KCNIP3: variants seen among roughly 807,000 people sequenced by gnomAD.
KCNIP3 encodes calsenilin.
In KCNIP3, 28 loss-of-function variants were observed where a neutral mutation model predicts 35.0. The observed-to-expected ratio is 0.80, with a 90% confidence interval of 0.59 to 1.10. The LOEUF (loss-of-function observed/expected upper bound fraction) is 1.10, where lower values mean the gene tolerates loss of function less well. KCNIP3 is among the 50% of genes least tolerant of loss of function. The pLI is 0.00. For missense variants in KCNIP3, 295 were observed against 338.4 expected, an observed-to-expected ratio of 0.87 and a Z score of 1.01; for synonymous variants, 134 against 133.8, an observed-to-expected ratio of 1.00 and a Z score of -0.01.
chr2:95,343,610 A>C (rs1679272015), intron 2 of KCNIP3, among the ~76,000 whole-genome samples: 1 of 152,176 alleles, frequency 6.6e-6, no homozygotes, highest in Non-Finnish European at 1.5e-5. Flanking sequence ...AGCATGGGAC[A>C]TCCAGGGAAT....
intron 2 of KCNIP3, among the ~76,000 whole-genome samples, chr2:95,318,540 C>T (rs1412211899): frequency 2.6e-5 from 4 of 152,194 alleles, no homozygotes; most frequent in Non-Finnish European, 5.9e-5. Context: ...TACTTGTGGG[C>T]CCAGGCCTGT....
chr2:95,379,994 C>T (rs1043796928), intron 5 of KCNIP3, among the ~76,000 whole-genome samples: 1 of 152,148 alleles, frequency 6.6e-6, no homozygotes, highest in Non-Finnish European at 1.5e-5. Flanking sequence ...CCTGATTGCT[C>T]CTACCCACTT....
chr2:95,337,677 AC>A (rs1473237980), intron 2 of KCNIP3, among the ~76,000 whole-genome samples: 1 of 152,184 alleles, frequency 6.6e-6, no homozygotes, highest in Non-Finnish European at 1.5e-5. Context: ...ACAGTTGCAG[AC>A]ATTGAGTGAT....
At chr2:95,373,415 T>G (rs906819604) in intron 2 of KCNIP3, among the ~76,000 whole-genome samples, 4 of 3,282 alleles carry the variant, frequency 1.2e-3, no homozygotes, top group Non-Finnish European at 1.2e-3. Context: ...AAGTTTGTGG[T>G]TTTTTTTTTT....
chr2:95,345,747 C>G (rs148623884), intron 2 of KCNIP3, among the ~76,000 whole-genome samples: 2,020 of 152,382 alleles, frequency 0.013, 46 homozygotes, highest in African/African-American at 0.046. Context: ...AGGTCTCCGG[C>G]CTCGCGGCTC....
intron 2 of KCNIP3, among the ~76,000 whole-genome samples, chr2:95,367,314 C>T (rs1041462385): frequency 2.0e-5 from 3 of 152,076 alleles, no homozygotes; most frequent in African/African-American, 4.8e-5. Context: ...AAACCAATAT[C>T]TTTATTCTTC....
At chr2:95,340,711 T>G (rs974456102) in intron 2 of KCNIP3, among the ~76,000 whole-genome samples, 1 of 152,222 alleles carries the variant, frequency 6.6e-6, no homozygotes, top group Non-Finnish European at 1.5e-5. Flanking sequence ...GACAGTATCA[T>G]GTCAGAATGT....
At chr2:95,323,246 C>T (rs1678640849) in intron 2 of KCNIP3, among the ~76,000 whole-genome samples, 1 of 152,258 alleles carries the variant, frequency 6.6e-6, no homozygotes, top group South Asian at 2.1e-4. Context: ...CAGGTCCCTC[C>T]CCAGTATGCT....
intron 2 of KCNIP3, among the ~76,000 whole-genome samples, chr2:95,343,703 G>A (rs1679273703): frequency 6.6e-6 from 1 of 152,230 alleles, no homozygotes; most frequent in African/African-American, 2.4e-5. Flanking sequence ...GGGGCAGAGA[G>A]CCAAAATGCA....
intron 2 of KCNIP3, among the ~76,000 whole-genome samples, chr2:95,340,730 G>A (rs370845491): frequency 1.3e-5 from 2 of 152,206 alleles, no homozygotes; most frequent in African/African-American, 4.8e-5. Flanking sequence ...GTGATATCTG[G>A]AATTAGGCAT....
chr2:95,307,956 G>T (rs929488677), intron 1 of KCNIP3, among the ~76,000 whole-genome samples: 8 of 152,240 alleles, frequency 5.3e-5, no homozygotes, highest in Non-Finnish European at 1.0e-4. Context: ...ATGAATAATG[G>T]AGAAAGTGCG....
intron 2 of KCNIP3, among the ~76,000 whole-genome samples, chr2:95,350,723 G>A (rs1679494698): frequency 6.6e-6 from 1 of 152,166 alleles, no homozygotes; most frequent in South Asian, 2.1e-4. Flanking sequence ...GGGGGCCAGT[G>A]GGCTCTTTAC....
intron 2 of KCNIP3, among the ~76,000 whole-genome samples, chr2:95,337,879 G>C (rs985290343): frequency 6.6e-6 from 1 of 152,228 alleles, no homozygotes. Flanking sequence ...AGAATAGAAA[G>C]GCGGGCAGCT....
At chr2:95,383,131 ACCCGCCCATCCAC>A in intron 7 of KCNIP3, 88 bp from the exon 8 acceptor site, 1 of 295,834 alleles carries the variant, frequency 3.4e-6, no homozygotes, top group Non-Finnish European at 7.1e-6. Context: ...CCATCCACCC[ACCCGCCCATCCAC>A]CCACCCATGA....
chr2:95,357,126 T>A (rs568166677), intron 2 of KCNIP3, among the ~76,000 whole-genome samples: 2 of 152,332 alleles, frequency 1.3e-5, no homozygotes, highest in African/African-American at 4.8e-5. Context: ...GGCTCTACTG[T>A]CACATACCTA....
At chr2:95,325,848 CACAT>C (rs1194914670) in intron 2 of KCNIP3, among the ~76,000 whole-genome samples, 10 of 59,716 alleles carry the variant, frequency 1.7e-4, no homozygotes, top group East Asian at 6.0e-4. Context: ...CACTCATACA[CACAT>C]ACACTCACAG....
At chr2:95,365,378 T>C (rs1020959520) in intron 2 of KCNIP3, among the ~76,000 whole-genome samples, 20 of 152,120 alleles carry the variant, frequency 1.3e-4, no homozygotes, top group Non-Finnish European at 1.5e-5. Flanking sequence ...GCCAGGCTGG[T>C]CTTGAACTCC....
In KCNIP3 at chr2:95,378,897, C is replaced by CAT. The variant is rs758433110; in HGVS notation, c.448-2684_448-2683dup. Among the ~76,000 whole-genome samples, 2,028 of 149,106 alleles carry CAT rather than the reference C, an allele frequency of 0.014. 19 individuals carry two copies. Among genetic ancestry groups the CAT allele is most frequent in the Middle Eastern group, 0.031 (9 of 286 alleles). ...ACACACATATATATACACACACACA[C>CAT]ATATATATATATATATTCATTGTCT... On this transcript the variant is annotated intron_variant, in intron 5 of 8. Transcript: ENST00000295225. The surrounding 1 kb of genome is among the most constrained non-coding windows in gnomAD (Gnocchi z 4.0).
intron 3 of KCNIP3, among the ~76,000 whole-genome samples, 195 bp downstream of exon 3, chr2:95,374,615 G>C (rs1219941394): frequency 6.6e-6 from 1 of 152,192 alleles, no homozygotes; most frequent in African/African-American, 2.4e-5. Flanking sequence ...TGTCTTTGCT[G>C]CTGGTACAGA....
Sources: allele counts gnomAD v4.1 joint callset (sites outside exome capture counted in the v4.1 genomes callset), GRCh38; gene constraint gnomAD v4.1.1; non-coding constraint Gnocchi (gnomAD v3.1); transcripts MANE v1.5; gene names NCBI Gene and HGNC (gene_info 2026-07-23, HGNC 2026-07-21).